CNTNAP2: variants seen among roughly 807,000 people sequenced by gnomAD.
CNTNAP2 encodes the protein contactin-associated protein-like 2.
A neutral mutation model predicts 155.2 loss-of-function variants in CNTNAP2; 98 were observed. The observed-to-expected ratio is 0.63, with a 90% CI of 0.54 to 0.75. The LOEUF is 0.75. Among genes scored for constraint, CNTNAP2 ranks in the 30% least tolerant of loss-of-function variants. The pLI, the probability that CNTNAP2 is intolerant of heterozygous loss-of-function variation, is 0.00. For synonymous variants in CNTNAP2, 651 were observed against 631.2 expected (o/e 1.03, Z -0.47); for missense variants, 1,727 against 1,688.1 (o/e 1.02, Z -0.40).
intron 17 of CNTNAP2, among the ~76,000 whole-genome samples, chr7:148,171,955 A>T (rs1453985721): frequency 2.0e-5 from 3 of 152,256 alleles, no homozygotes; most frequent in Non-Finnish European, 4.4e-5. Flanking sequence ...TTTCTATAGG[A>T]AACCAGATTA....
chr7:147,848,918 A>G (rs1023856798), intron 13 of CNTNAP2, among the ~76,000 whole-genome samples: 2 of 152,140 alleles, frequency 1.3e-5, no homozygotes, highest in East Asian at 1.9e-4. Flanking sequence ...TTTTTCTCAA[A>G]TAGTGAGATC....
chr7:147,251,412 G>T (rs1489273497), intron 8 of CNTNAP2, among the ~76,000 whole-genome samples: 1 of 152,132 alleles, frequency 6.6e-6, no homozygotes, highest in Non-Finnish European at 1.5e-5. Flanking sequence ...TTACTTTGTT[G>T]TGGAATGTTT....
chr7:148,206,728 T>C (rs1237831003), intron 18 of CNTNAP2, among the ~76,000 whole-genome samples: 1 of 152,216 alleles, frequency 6.6e-6, no homozygotes, highest in African/African-American at 2.4e-5. Flanking sequence ...GCCATGGTTT[T>C]TTCCAAAAAC....
At chr7:147,233,713 T>A (rs1373958313) in intron 8 of CNTNAP2, among the ~76,000 whole-genome samples, 1 of 151,990 alleles carries the variant, frequency 6.6e-6, no homozygotes, top group East Asian at 1.9e-4. Flanking sequence ...TATGCTGCAG[T>A]GATCCAATTA....
At chr7:147,610,140 G>C (rs1219223343) in intron 12 of CNTNAP2, among the ~76,000 whole-genome samples, 1 of 152,086 alleles carries the variant, frequency 6.6e-6, no homozygotes, top group African/African-American at 2.4e-5. Context: ...CTATGCAATT[G>C]TAATATAAAC....
chr7:147,373,253 G>C (rs1161146608), intron 9 of CNTNAP2, among the ~76,000 whole-genome samples: 3 of 151,904 alleles, frequency 2.0e-5, no homozygotes, highest in African/African-American at 7.2e-5. Flanking sequence ...TTGTAACCTA[G>C]AATGCCATTT....
intron 21 of CNTNAP2, among the ~76,000 whole-genome samples, chr7:148,267,484 G>A (rs533180542): frequency 1.7e-4 from 26 of 151,916 alleles, no homozygotes; most frequent in East Asian, 5.8e-4. Flanking sequence ...GCAAAACCCC[G>A]TCTCTACTAA....
chr7:147,366,906 C>A (rs1005277478), intron 9 of CNTNAP2, among the ~76,000 whole-genome samples: 1 of 151,878 alleles, frequency 6.6e-6, no homozygotes, highest in African/African-American at 2.4e-5. Flanking sequence ...TATTATATAT[C>A]CACTTTCGTA....
chr7:147,771,144 G>C (rs1391248641), intron 13 of CNTNAP2, among the ~76,000 whole-genome samples: 1 of 152,086 alleles, frequency 6.6e-6, no homozygotes, highest in African/African-American at 2.4e-5. Flanking sequence ...ATGAATCGGT[G>C]TACATTTGAA....
chr7:148,418,248 T>C lies in CNTNAP2; in HGVS notation c.*2632T>C, dbSNP rs1020086337. ...TGAAGAAAAAGAATTAAGTCTTTCT[T>C]CCAACTCTCTCCTTGGATAGCCTAG... On this transcript the variant is annotated 3_prime_UTR_variant, in exon 24 of 24. Transcript: ENST00000361727. 2 of 152,204 alleles carry C rather than the reference T, an allele frequency of 1.3e-5. No homozygotes were observed. Among genetic ancestry groups the C allele is most frequent in the Non-Finnish European group, 1.5e-5 (1 of 68,042 alleles). The allele number at this position is 152,204 out of a possible 1,614,324, so 9.4% of individuals were successfully genotyped here. A position where few individuals can be genotyped will look rare whatever the true frequency, so the allele number is the denominator to read the frequency against.
intron 12 of CNTNAP2, among the ~76,000 whole-genome samples, chr7:147,617,868 C>T (rs778853768): frequency 6.6e-5 from 10 of 152,070 alleles, no homozygotes; most frequent in Non-Finnish European, 1.2e-4. Flanking sequence ...AATATAGCTT[C>T]CTTTAAGTGG....
chr7:146,506,130 C>T (rs1797380642), intron 1 of CNTNAP2, among the ~76,000 whole-genome samples: 1 of 152,192 alleles, frequency 6.6e-6, no homozygotes, highest in Non-Finnish European at 1.5e-5. Flanking sequence ...ACAAGTGTTG[C>T]AGGGCCTGAA....
chr7:147,344,685 T>C (rs1488741037), intron 9 of CNTNAP2, among the ~76,000 whole-genome samples: 1 of 152,212 alleles, frequency 6.6e-6, no homozygotes, highest in African/African-American at 2.4e-5. Flanking sequence ...TTGAATAATA[T>C]GTGTGAAATT....
chr7:146,711,180 G>GCA (rs1405993767), intron 1 of CNTNAP2, among the ~76,000 whole-genome samples: 1 of 149,648 alleles, frequency 6.7e-6, no homozygotes, highest in East Asian at 2.0e-4. Context: ...GGCAGAATTT[G>GCA]CACACATATG....
chr7:147,870,672 C>G (rs1799311832), intron 13 of CNTNAP2, among the ~76,000 whole-genome samples: 1 of 152,134 alleles, frequency 6.6e-6, no homozygotes, highest in Non-Finnish European at 1.5e-5. Context: ...TTCATAAATT[C>G]TTTGCATTTT....
At chr7:147,912,722 A>T (rs1800087993) in intron 14 of CNTNAP2, among the ~76,000 whole-genome samples, 1 of 152,116 alleles carries the variant, frequency 6.6e-6, no homozygotes, top group South Asian at 2.1e-4. Flanking sequence ...AGGCATTTGG[A>T]TCCAAGCCAA....
intron 10 of CNTNAP2, among the ~76,000 whole-genome samples, chr7:147,479,288 A>G (rs2116624406): frequency 6.6e-6 from 1 of 152,336 alleles, no homozygotes; most frequent in South Asian, 2.1e-4. Context: ...CAGTTTTTCT[A>G]ATATCTGGCA....
intron 13 of CNTNAP2, among the ~76,000 whole-genome samples, chr7:147,821,287 C>T (rs1798356118): frequency 6.6e-6 from 1 of 152,048 alleles, no homozygotes; most frequent in Admixed American, 6.6e-5. Context: ...GTGGGCAATT[C>T]ATTGAAATAA....
intron 14 of CNTNAP2, among the ~76,000 whole-genome samples, chr7:147,972,840 C>A (rs919465165): frequency 5.9e-5 from 9 of 152,074 alleles, no homozygotes; most frequent in Admixed American, 5.9e-4. Context: ...AAGATTCACA[C>A]AAGATGCTCA....
Sources: allele counts gnomAD v4.1 joint callset (sites outside exome capture counted in the v4.1 genomes callset), GRCh38; gene constraint gnomAD v4.1.1; transcripts MANE v1.5; gene names NCBI Gene and HGNC (gene_info 2026-07-23, HGNC 2026-07-21).